The following SCAF8 variants were observed in gnomAD, a reference collection of about 807,000 sequenced individuals.
SCAF8 encodes SR-related and CTD-associated factor 8.
Under a neutral mutation model 140.5 loss-of-function variants are expected in SCAF8, and 23 were observed. That is an observed-to-expected ratio of 0.16 (90% CI 0.12 to 0.23). SCAF8 has a LOEUF of 0.23. Among genes scored for constraint, SCAF8 ranks in the 10% least tolerant of loss-of-function variants. The probability of loss-of-function intolerance (pLI) is 1.00; values close to 1 mark genes in which losing one functional copy is unlikely to be tolerated. For missense variants in SCAF8, 1,397 were observed against 1,555.7 expected (o/e 0.90, Z 1.72); for synonymous variants, 575 against 528.9 (o/e 1.09, Z -1.20).
chr6:154,797,851 C>T (rs1288954944), intron 6 of SCAF8, among the ~76,000 whole-genome samples: 1 of 151,500 alleles, frequency 6.6e-6, no homozygotes, highest in African/African-American at 2.4e-5. Context: ...TACAAAGTTT[C>T]ATAGATTTCT....
At chr6:154,736,174 C>T (rs1284744366) in intron 1 of SCAF8, among the ~76,000 whole-genome samples, 1 of 151,808 alleles carries the variant, frequency 6.6e-6, no homozygotes, top group Non-Finnish European at 1.5e-5. Flanking sequence ...ATTCCCGCCG[C>T]CACCCTCTTC....
chr6:154,733,876 G>A lies in SCAF8; in HGVS notation c.-25G>A, dbSNP rs916766787. 3.9e-6 allele frequency: 6 copies of A among 1,544,696 alleles called. No individual in the cohort carries two copies. In the African/African-American group the frequency reaches 5.7e-5, roughly 15 times the overall value. On this transcript the variant is annotated 5_prime_UTR_variant, in exon 1 of 20. Transcript: ENST00000367178. ...GTGGCCGCCGCCTCTTCCGCCGCCG[G>A]GCTCGGGGCCTCCGCAGCGACAACA...
Position 154,818,605 on chromosome 6 carries a change from G to T in SCAF8, c.1635+13G>T. The T allele has an allele frequency of 7.1e-7, 1 of 1,416,300 alleles. No homozygotes were observed. The highest frequency in any genetic ancestry group is 1.4e-5 in the African/African-American group (1 of 70,292). The allele number at this position is 1,416,300 out of a possible 1,614,324, so 87.7% of individuals were successfully genotyped here. A position where few individuals can be genotyped will look rare whatever the true frequency, so the allele number is the denominator to read the frequency against. ...CAAGGTCATTAAGGTGAGATTTGGT[G>T]GATTGGAACTTGGGGTAGGGGGGCA... On this transcript the variant is annotated intron_variant, in intron 14 of 19. Coordinates refer to ENST00000367178, the MANE Select transcript of SCAF8 (RefSeq NM_014892.5).
At chr6:154,782,881 G>C (rs1376391115) in intron 3 of SCAF8, among the ~76,000 whole-genome samples, 1 of 151,960 alleles carries the variant, frequency 6.6e-6, no homozygotes, top group East Asian at 1.9e-4. Context: ...ATTAAAGGTG[G>C]GTCTACCTTC....
In SCAF8 at chr6:154,808,078, T is replaced by C. The variant is rs1777974640; in HGVS notation, c.990T>C (p.Pro330=). The C allele has an allele frequency of 6.2e-7, 1 of 1,613,568 alleles. No homozygotes were observed. Among genetic ancestry groups the C allele is most frequent in the Non-Finnish European group, 8.5e-7 (1 of 1,179,766 alleles). ...GTATATGTTCTCAATAGGCCACTCC[T>C]CAGGATAGTCAGGAAGGAACCTTTG... The part of the protein sequence containing the change: ...LEQQQPQKAT[P]QDSQEGTFGS... Residue 330 remains proline (P), a synonymous_variant, in exon 10 of 20, where the codon CCT becomes CCC. Transcript: ENST00000367178.
Position 154,809,402 on chromosome 6 carries a change from T to C in SCAF8, c.1226+604T>C, listed in dbSNP as rs536656404. On this transcript the variant is annotated intron_variant, in intron 11 of 19. Transcript: ENST00000367178. The stretch of plus-strand genomic sequence containing the variant: ...TGTCACAAAGTTCTTTATATTTATC[T>C]ATTGCAAATGAGAGCCTGTCAGTTC... 3.3e-5 allele frequency among the ~76,000 whole-genome samples: 5 copies of C among 152,300 alleles called. No homozygotes were observed. In the East Asian group the frequency reaches 9.6e-4, roughly 29 times the overall value.
Position 154,832,744 on chromosome 6 carries a change from T to C in SCAF8, c.3165T>C (p.Asp1055=), listed in dbSNP as rs1778785798. The C allele has an allele frequency of 6.2e-7, 1 of 1,613,160 alleles. No homozygotes were observed. Among genetic ancestry groups the C allele is most frequent in the African/African-American group, 1.3e-5 (1 of 74,636 alleles). Residue 1055 remains aspartate (D), a synonymous_variant, in exon 20 of 20, where the codon GAT becomes GAC. Transcript: ENST00000367178. ...PREGPGRPPL[D]GRDHFGRPPV... ...AAGGTCCTGGACGGCCTCCACTAGATGGTAGGGATCATTTTGGAAGACCTC... is the reference window on the plus strand; with the variant it reads ...AAGGTCCTGGACGGCCTCCACTAGACGGTAGGGATCATTTTGGAAGACCTC...
chr6:154,736,088 G>A (rs1222477369), intron 1 of SCAF8, among the ~76,000 whole-genome samples: 2 of 151,910 alleles, frequency 1.3e-5, no homozygotes, highest in Non-Finnish European at 2.9e-5. Context: ...GGCATCCCAA[G>A]TGCTGGGATG....
At chr6:154,802,577 A>G (rs1049042813) in intron 7 of SCAF8, among the ~76,000 whole-genome samples, 1 of 152,102 alleles carries the variant, frequency 6.6e-6, no homozygotes, top group Non-Finnish European at 1.5e-5. Flanking sequence ...AGATTGAGCA[A>G]CTGTTCTCCA....
chr6:154,778,769 A>ATGTGTGTGTG (rs71021079), intron 3 of SCAF8, among the ~76,000 whole-genome samples: 570 of 142,154 alleles, frequency 4.0e-3, no homozygotes, highest in Non-Finnish European at 5.3e-3. Flanking sequence ...GTCTCAAAAA[A>ATGTGTGTGTG]TGTGTGTGTG....
At chr6:154,735,085 A>G (rs1435401019) in intron 1 of SCAF8, among the ~76,000 whole-genome samples, 4 of 151,424 alleles carry the variant, frequency 2.6e-5, no homozygotes, top group Admixed American at 6.6e-5. Flanking sequence ...GATCTGCGCC[A>G]CTGCAATCCA....
chr6:154,747,360 A>G (rs573394073), intron 1 of SCAF8, among the ~76,000 whole-genome samples: 12 of 152,296 alleles, frequency 7.9e-5, no homozygotes, highest in African/African-American at 2.2e-4. Context: ...TACAAAAAAT[A>G]TTAATACAAA....
At chr6:154,820,601 T>C (rs752518733) in intron 15 of SCAF8, among the ~76,000 whole-genome samples, 4 of 152,190 alleles carry the variant, frequency 2.6e-5, no homozygotes, top group Non-Finnish European at 4.4e-5. Flanking sequence ...TTGAGAGTTA[T>C]GTGTGGGAGG....
At chr6:154,788,109 C>T in intron 4 of SCAF8, 87 bp downstream of exon 4, 1 of 1,097,712 alleles carries the variant, frequency 9.1e-7, no homozygotes, top group Non-Finnish European at 1.3e-6. Context: ...TATCTTAGTA[C>T]AGTCATGTGC....
In SCAF8 at chr6:154,802,637, T is replaced by G. The variant is rs553350873; in HGVS notation, c.783+490T>G. Among the ~76,000 whole-genome samples, 296 of 149,564 alleles carry G rather than the reference T, an allele frequency of 2.0e-3. 1 individual carries two copies. The highest frequency in any genetic ancestry group is 6.8e-3 in the African/African-American group (276 of 40,522). ...TGACTCAAAAAAAAAAAATTTTTTT[T>G]GAAACATTTTTGAAACATTTAAAAT... On this transcript the variant is annotated intron_variant, in intron 7 of 19. Coordinates refer to ENST00000367178, the MANE Select transcript of SCAF8 (RefSeq NM_014892.5).
chr6:154,780,966 TTAAC>T (rs922496865), intron 3 of SCAF8, among the ~76,000 whole-genome samples: 15 of 152,222 alleles, frequency 9.9e-5, no homozygotes, highest in Non-Finnish European at 1.9e-4. Context: ...CCACAATGGT[TTAAC>T]TAATTTACAT....
intron 4 of SCAF8, among the ~76,000 whole-genome samples, chr6:154,791,331 A>G (rs1190998075): frequency 6.6e-6 from 1 of 152,236 alleles, no homozygotes; most frequent in Admixed American, 6.5e-5. Context: ...TCAAGTTTAT[A>G]ATACACAGAA....
chr6:154,738,174 C>T (rs1160336108), intron 1 of SCAF8, among the ~76,000 whole-genome samples: 4 of 147,460 alleles, frequency 2.7e-5, no homozygotes, highest in Non-Finnish European at 5.9e-5. Flanking sequence ...CTAGCTTGGG[C>T]AACAGTGTGA....
At chr6:154,766,989 T>G (rs767957327) in intron 1 of SCAF8, among the ~76,000 whole-genome samples, 11 of 152,164 alleles carry the variant, frequency 7.2e-5, no homozygotes, top group Admixed American at 2.6e-4. Context: ...ATGTCTCGTT[T>G]GGGGACATGT....
Sources: allele counts gnomAD v4.1 joint callset (sites outside exome capture counted in the v4.1 genomes callset), GRCh38; gene constraint gnomAD v4.1.1; transcripts MANE v1.5; gene names NCBI Gene and HGNC (gene_info 2026-07-23, HGNC 2026-07-21).